DCDC1: variants seen among roughly 807,000 people sequenced by gnomAD.
The protein encoded by DCDC1 is doublecortin domain-containing protein 1.
A neutral mutation model predicts 178.3 loss-of-function variants in DCDC1; 200 were observed. That is an observed-to-expected ratio of 1.12 (90% CI 1.00 to 1.26). The LOEUF is 1.26. Among genes scored for constraint, DCDC1 ranks in the 50% most tolerant of loss-of-function variants. The pLI is 0.00. For synonymous variants in DCDC1, 690 were observed against 604.8 expected (o/e 1.14, Z -2.07); for missense variants, 1,983 against 1,749.2 (o/e 1.13, Z -2.38).
At chr11:31,322,129 T>A (rs1949398179) in intron 3 of DCDC1, among the ~76,000 whole-genome samples, 1 of 152,190 alleles carries the variant, frequency 6.6e-6, no homozygotes, top group Non-Finnish European at 1.5e-5. Context: ...TGATTTCAGA[T>A]CCCACTCTGC....
At chr11:31,261,866 G>A (rs1038232081) in intron 8 of DCDC1, among the ~76,000 whole-genome samples, 3 of 151,984 alleles carry the variant, frequency 2.0e-5, no homozygotes, top group African/African-American at 7.2e-5. Context: ...TTTTTCATAC[G>A]TAACAATAAA....
At chr11:31,093,225 T>C (rs1220698238) in intron 16 of DCDC1, among the ~76,000 whole-genome samples, 2 of 152,236 alleles carry the variant, frequency 1.3e-5, no homozygotes, top group Non-Finnish European at 2.9e-5. Flanking sequence ...AGTACCTTTG[T>C]GTCTTAATTA....
intron 20 of DCDC1, among the ~76,000 whole-genome samples, chr11:30,985,338 T>C (rs1200321554): frequency 6.6e-6 from 1 of 152,146 alleles, no homozygotes; most frequent in Non-Finnish European, 1.5e-5. Flanking sequence ...GCCTGTAAAT[T>C]TCAATCCATC....
chr11:31,061,199 T>C (rs929587176), intron 20 of DCDC1, among the ~76,000 whole-genome samples: 1 of 152,152 alleles, frequency 6.6e-6, no homozygotes, highest in South Asian at 2.1e-4. Flanking sequence ...CACAGGTCAC[T>C]GGGTGACAAG....
intron 20 of DCDC1, among the ~76,000 whole-genome samples, chr11:30,973,127 C>T (rs1949905057): frequency 6.6e-6 from 1 of 151,742 alleles, no homozygotes; most frequent in Admixed American, 6.6e-5. Context: ...CAAAATTTAG[C>T]CAGGCGTGAT....
At chr11:30,983,396 G>T (rs1590655545) in intron 20 of DCDC1, among the ~76,000 whole-genome samples, 1 of 152,158 alleles carries the variant, frequency 6.6e-6, no homozygotes, top group African/African-American at 2.4e-5. Flanking sequence ...AATCTTTGTG[G>T]TTAGGGGTTT....
At position 31,111,712 on chromosome 11, in the gene DCDC1, T is replaced by C. The variant is rs1232110836; in HGVS notation, c.1486-1351A>G. 2.6e-5 allele frequency among the ~76,000 whole-genome samples: 4 copies of C among 152,180 alleles called. No homozygotes were observed. The East Asian group carries it at 7.7e-4, about 29-fold the overall frequency. ...TCAGGGCTCAACTTTGGAACAAAAC[T>C]CTTAAGCAACAGAGAAATTTAGCAG... On this transcript the variant is annotated intron_variant, in intron 11 of 38. Coordinates refer to ENST00000684477, the MANE Select transcript of DCDC1 (RefSeq NM_001387274.1).
At chr11:31,299,940 C>A (rs985984481) in intron 6 of DCDC1, among the ~76,000 whole-genome samples, 2 of 152,110 alleles carry the variant, frequency 1.3e-5, no homozygotes, top group Admixed American at 6.5e-5. Context: ...TCACTGCAAC[C>A]TCTGCCTCAC....
intron 11 of DCDC1, among the ~76,000 whole-genome samples, chr11:31,119,214 A>G (rs1221814754): frequency 1.3e-5 from 2 of 152,192 alleles, no homozygotes; most frequent in Non-Finnish European, 2.9e-5. Context: ...TTTTCCTACT[A>G]TCGTAAAACC....
At chr11:30,989,622 T>C (rs946979424) in intron 20 of DCDC1, among the ~76,000 whole-genome samples, 3 of 152,192 alleles carry the variant, frequency 2.0e-5, no homozygotes, top group Non-Finnish European at 4.4e-5. Flanking sequence ...ACCAGCATAT[T>C]TGTGCTTTCT....
At chr11:31,099,161 T>A (rs1312870015) in intron 15 of DCDC1, among the ~76,000 whole-genome samples, 4 of 152,208 alleles carry the variant, frequency 2.6e-5, no homozygotes, top group Non-Finnish European at 5.9e-5. Flanking sequence ...CAATTGTTTT[T>A]AGGTTTGAGT....
At chr11:31,124,290 G>T (rs1961266395) in intron 11 of DCDC1, among the ~76,000 whole-genome samples, 8 of 151,998 alleles carry the variant, frequency 5.3e-5, no homozygotes, top group Admixed American at 5.3e-4. Context: ...TGTGGTTTTT[G>T]TCTTTAGTTC....
chr11:31,021,990 A>G (rs1174821499), intron 20 of DCDC1, among the ~76,000 whole-genome samples: 1 of 152,154 alleles, frequency 6.6e-6, no homozygotes, highest in Non-Finnish European at 1.5e-5. Context: ...TAATCACTCC[A>G]GTCTTTATCC....
intron 20 of DCDC1, among the ~76,000 whole-genome samples, chr11:30,958,969 ATCAG>A (rs1948924949): frequency 6.6e-6 from 1 of 152,132 alleles, no homozygotes; most frequent in African/African-American, 2.4e-5. Context: ...GGGCAATTGC[ATCAG>A]TCATAGTCTA....
chr11:30,945,041 T>G (rs1207363797), intron 21 of DCDC1, among the ~76,000 whole-genome samples: 2 of 131,814 alleles, frequency 1.5e-5, no homozygotes, highest in Non-Finnish European at 3.1e-5. Flanking sequence ...CAATCTCAGC[T>G]CACTGCAACC....
intron 1 of DCDC1, among the ~76,000 whole-genome samples, chr11:31,366,422 G>A (rs1384053180): frequency 1.3e-5 from 2 of 152,078 alleles, no homozygotes; most frequent in Non-Finnish European, 2.9e-5. Flanking sequence ...AACCCAACTG[G>A]GGAATCAGAA....
chr11:31,290,844 A>G lies in DCDC1; in HGVS notation c.763T>C (p.Leu255=), dbSNP rs1264219520. The G allele has an allele frequency of 1.9e-6, 3 of 1,610,948 alleles. No homozygotes were observed. The highest frequency in any genetic ancestry group is 2.5e-6 in the Non-Finnish European group (3 of 1,178,750). ...NPFKKIKDHL[L]LIKKVTWTMN... ...GTCCAAGTTACTTTCTTAATTAACA[A>G]CAGATGGTCTAGAAGATAATTTTTT... Residue 255 remains leucine (L), a synonymous_variant, in exon 7 of 39, where the codon TTG becomes CTG. Coordinates refer to ENST00000684477, the MANE Select transcript of DCDC1 (RefSeq NM_001387274.1).
rs570445127 is a variant in DCDC1 at position 31,295,237 on chromosome 11, T to A, written c.755-4385A>T. ...TATACTGTATTTTTGTTTGTATTATTTTTTATTATTCTATTGTTATTTTTT... is the reference window on the plus strand; with the variant it reads ...TATACTGTATTTTTGTTTGTATTATATTTTATTATTCTATTGTTATTTTTT... On this transcript the variant is annotated intron_variant, in intron 6 of 38. Transcript: ENST00000684477. 1.8e-4 allele frequency among the ~76,000 whole-genome samples: 28 copies of A among 152,320 alleles called. No individual in the cohort carries two copies. In the South Asian group the frequency reaches 5.8e-3, roughly 32 times the overall value.
chr11:30,897,500 G>A (rs563604822), intron 34 of DCDC1, among the ~76,000 whole-genome samples: 3 of 148,252 alleles, frequency 2.0e-5, no homozygotes, highest in South Asian at 4.3e-4. Context: ...GGAGAATGGC[G>A]TGAACCCGGG....
Sources: allele counts gnomAD v4.1 joint callset (sites outside exome capture counted in the v4.1 genomes callset), GRCh38; gene constraint gnomAD v4.1.1; transcripts MANE v1.5; gene names NCBI Gene and HGNC (gene_info 2026-07-23, HGNC 2026-07-21).